UGT2A1: variants seen among roughly 807,000 people sequenced by gnomAD.
UGT2A1 encodes the protein UDP-glucuronosyltransferase 2A1.
A neutral mutation model predicts 45.4 loss-of-function variants in UGT2A1; 61 were observed. The observed-to-expected ratio is 1.34, with a 90% CI of 1.09 to 1.66. UGT2A1 has a LOEUF of 1.66. UGT2A1 is among the 40% of genes most tolerant of loss of function. The pLI, the probability that UGT2A1 is intolerant of heterozygous loss-of-function variation, is 0.00. For missense variants in UGT2A1, 649 were observed against 574.3 expected, an observed-to-expected ratio of 1.13 and a Z score of -1.33; for synonymous variants, 229 against 196.2, an observed-to-expected ratio of 1.17 and a Z score of -1.40.
Position 69,635,676 on chromosome 4 carries a change from A to G in UGT2A1, c.847+15T>C, listed in dbSNP as rs917335535. ...GAAACCTCGTCTCTATTAAAAATAC[A>G]AAAATTAGCCTGACCTGCTGGCAGC... is the stretch of plus-strand genomic sequence containing the variant. On this transcript the variant is annotated intron_variant, in intron 3 of 6. Coordinates refer to ENST00000286604, the MANE Select transcript of UGT2A1 (RefSeq NM_001252275.3). The G allele has an allele frequency of 7.5e-6, 2 of 268,098 alleles. No individual in the cohort carries two copies. The highest frequency in any genetic ancestry group is 1.6e-4 in the East Asian group (1 of 6,224). The allele number at this position is 268,098 out of a possible 1,614,324, so 16.6% of individuals were successfully genotyped here. A position where few individuals can be genotyped will look rare whatever the true frequency, so the allele number is the denominator to read the frequency against.
At chr4:69,621,489 G>GT (rs1553906092) in intron 3 of UGT2A1, among the ~76,000 whole-genome samples, 1 of 151,784 alleles carries the variant, frequency 6.6e-6, no homozygotes, top group African/African-American at 2.4e-5. Flanking sequence ...TTATTAAAAA[G>GT]TAAAAAAAAT....
rs529512398 is a variant in UGT2A1 at position 69,601,790 on chromosome 4, C to A, written c.848-2396G>T. ...ACAGGTCATATCACTGGATCCCTTG[C>A]AGACATTCCCTAGCACCAGTCTGGG... On this transcript the variant is annotated intron_variant, in intron 3 of 6. Coordinates refer to ENST00000286604, the MANE Select transcript of UGT2A1 (RefSeq NM_001252275.3). Among the ~76,000 whole-genome samples the A allele has an allele frequency of 1.9e-3, 179 of 92,032 alleles. 33 individuals are homozygous for A. The highest frequency in any genetic ancestry group is 2.3e-3 in the Non-Finnish European group (106 of 45,624). The allele number at this position is 92,032 out of a possible 152,430, so 60.4% of individuals were successfully genotyped here.
chr4:69,599,894 A>AT (rs1214182418), intron 3 of UGT2A1: 1 of 152,778 alleles, frequency 6.5e-6, no homozygotes, highest in Non-Finnish European at 1.5e-5. Context: ...TTAAACATTC[A>AT]TTTTCTCTCT....
intron 3 of UGT2A1, among the ~76,000 whole-genome samples, chr4:69,612,258 T>C (rs902962362): frequency 4.6e-5 from 7 of 152,038 alleles, no homozygotes; most frequent in Admixed American, 2.0e-4. Flanking sequence ...AATTATTCCA[T>C]ATACTATCGT....
chr4:69,631,773 T>C (rs1048455500), intron 3 of UGT2A1, among the ~76,000 whole-genome samples: 12 of 152,124 alleles, frequency 7.9e-5, no homozygotes, highest in African/African-American at 2.9e-4. Flanking sequence ...TACGGACATA[T>C]TACTAGGCTC....
chr4:69,636,487 A>G (rs1481538913), intron 2 of UGT2A1, among the ~76,000 whole-genome samples: 1 of 152,124 alleles, frequency 6.6e-6, no homozygotes, highest in Non-Finnish European at 1.5e-5. Flanking sequence ...TTAAGTAAAT[A>G]GGATATTTAA....
chr4:69,644,575 G>A (rs1047469873), intron 2 of UGT2A1, among the ~76,000 whole-genome samples: 2 of 151,558 alleles, frequency 1.3e-5, no homozygotes, highest in African/African-American at 4.8e-5. Flanking sequence ...TTTCTTTTAA[G>A]ATCTAGTTTC....
At chr4:69,647,816 G>A in intron 1 of UGT2A1, 118 bp from the exon 2 acceptor site, 1 of 462,786 alleles carries the variant, frequency 2.2e-6, no homozygotes, top group South Asian at 5.1e-5. Flanking sequence ...CATATTTTAG[G>A]ATATTTACAG....
At chr4:69,648,077 A>G (rs1204760222) in intron 1 of UGT2A1, among the ~76,000 whole-genome samples, 1 of 151,722 alleles carries the variant, frequency 6.6e-6, no homozygotes, top group Admixed American at 6.6e-5. Context: ...TTAATGCTGT[A>G]AGTTTTTAAA....
At chr4:69,617,472 T>C (rs1364255152) in intron 3 of UGT2A1, among the ~76,000 whole-genome samples, 1 of 151,970 alleles carries the variant, frequency 6.6e-6, no homozygotes, top group African/African-American at 2.4e-5. Flanking sequence ...TGTGTACGTA[T>C]ATACGTAGAC....
intron 3 of UGT2A1, among the ~76,000 whole-genome samples, chr4:69,632,692 T>G (rs992940202): frequency 6.6e-6 from 1 of 151,936 alleles, no homozygotes; most frequent in African/African-American, 2.4e-5. Context: ...GTTTGAGACC[T>G]GCCTGGCCAA....
chr4:69,627,597 G>A (rs373841788), intron 3 of UGT2A1, among the ~76,000 whole-genome samples: 1 of 123,710 alleles, frequency 8.1e-6, no homozygotes, highest in African/African-American at 3.2e-5. Context: ...AAAGAAGAAA[G>A]AAAAGAAAGA....
intron 3 of UGT2A1, among the ~76,000 whole-genome samples, chr4:69,609,825 A>G (rs1309013446): frequency 6.6e-6 from 1 of 152,204 alleles, no homozygotes; most frequent in Non-Finnish European, 1.5e-5. Context: ...TCAATTGTCA[A>G]TTGACAGAAT....
intron 3 of UGT2A1, among the ~76,000 whole-genome samples, chr4:69,612,265 T>C (rs780722757): frequency 6.6e-6 from 1 of 152,030 alleles, no homozygotes; most frequent in Non-Finnish European, 1.5e-5. Context: ...CCATATACTA[T>C]CGTGAGTTGG....
In UGT2A1 at chr4:69,647,693, T is replaced by C. The variant is rs1336374826; in HGVS notation, c.-49A>G. The C allele has an allele frequency of 1.5e-6, 2 of 1,299,900 alleles. No individual in the cohort carries two copies. Among genetic ancestry groups the C allele is most frequent in the South Asian group, 1.6e-5 (1 of 60,976 alleles). The allele number at this position is 1,299,900 out of a possible 1,614,324, so 80.5% of individuals were successfully genotyped here. On this transcript the variant is annotated 5_prime_UTR_variant, in exon 2 of 7. Transcript: ENST00000286604. ...TGATGAGATGTGAAGCAAATGTTTT[T>C]CTCTGCTTTTAAAGAAAAAAAGGAA... is the stretch of plus-strand genomic sequence containing the variant.
intron 4 of UGT2A1, 131 bp from the exon 5 acceptor site, chr4:69,595,380 G>A (rs1718862402): frequency 3.1e-6 from 3 of 983,106 alleles, no homozygotes; most frequent in Admixed American, 2.4e-5. Context: ...GTTTACAAAC[G>A]TTGAGATACG....
At position 69,589,492 on chromosome 4, in the gene UGT2A1, A is replaced by C; in HGVS notation, c.1464T>G (p.Ser488=). The change falls in exon 7 of 7, where the codon TCT becomes TCG. Residue 488 remains serine, a synonymous_variant. Transcript: ENST00000286604. ...AHDLTWFQYH[S]LDVIGFLLVC... ...CCAGCAAGAACCCAATTACATCCAA[A>C]GAGTGGTACTGGAACCAGGTGAGGT... 6.2e-7 allele frequency: 1 copy of C among 1,614,108 alleles called. No individual in the cohort carries two copies. Among genetic ancestry groups the C allele is most frequent in the Non-Finnish European group, 8.5e-7 (1 of 1,180,004 alleles).
At chr4:69,619,949 A>G (rs1036427840) in intron 3 of UGT2A1, among the ~76,000 whole-genome samples, 1 of 151,934 alleles carries the variant, frequency 6.6e-6, no homozygotes, top group Non-Finnish European at 1.5e-5. Context: ...CCTTTATGCA[A>G]AAACTCAATA....
In UGT2A1 at chr4:69,632,516, A is replaced by G. The variant is rs1188049008; in HGVS notation, c.847+3175T>C. On this transcript the variant is annotated intron_variant, in intron 3 of 6. Coordinates refer to ENST00000286604, the MANE Select transcript of UGT2A1 (RefSeq NM_001252275.3). ...GGAGGATAATTTCTATTTATGACCA[A>G]CTAAAAACAGGAGGGTGGCAAACTT... 4.6e-5 allele frequency among the ~76,000 whole-genome samples: 7 copies of G among 152,306 alleles called. No homozygotes were observed. The East Asian group carries it at 1.2e-3, about 25-fold the overall frequency.
Sources: gnomAD v4.1 joint callset for allele counts (sites outside exome capture counted in the v4.1 genomes callset) on GRCh38, gnomAD v4.1.1 for gene constraint, MANE v1.5 for transcripts, NCBI Gene and HGNC (gene_info 2026-07-23, HGNC 2026-07-21) for gene names.